ARL15: variants seen among roughly 807,000 people sequenced by gnomAD.
ARL15 encodes ARF like GTPase 15.
ARL15 carries 19 observed loss-of-function variants against 25.2 expected under a neutral mutation model. The observed-to-expected ratio is 0.75, with a 90% CI of 0.53 to 1.10. ARL15 has a LOEUF of 1.10. Ranked by LOEUF, ARL15 falls within the 50% of genes least tolerant of loss-of-function variation. The pLI, the probability that ARL15 is intolerant of heterozygous loss-of-function variation, is 0.00. For missense variants in ARL15, 220 were observed against 246.0 expected, an observed-to-expected ratio of 0.89 and a Z score of 0.71; for synonymous variants, 94 against 86.8, an observed-to-expected ratio of 1.08 and a Z score of -0.46.
chr5:53,905,435 A>C (rs903565184), intron 4 of ARL15, among the ~76,000 whole-genome samples: 1 of 152,172 alleles, frequency 6.6e-6, no homozygotes, highest in African/African-American at 2.4e-5. Context: ...AATATTAAAC[A>C]TAATGTTATT....
intron 4 of ARL15, among the ~76,000 whole-genome samples, chr5:54,092,135 G>A (rs889262839): frequency 6.6e-5 from 10 of 151,816 alleles, no homozygotes; most frequent in Admixed American, 6.6e-4. Context: ...GGAATGTTTA[G>A]GTTGAAAATA....
intron 4 of ARL15, among the ~76,000 whole-genome samples, chr5:54,066,338 C>T (rs1751230360): frequency 6.6e-6 from 1 of 152,124 alleles, no homozygotes; most frequent in South Asian, 2.1e-4. Flanking sequence ...ATAAGGAGGC[C>T]ATTTGCCATG....
At chr5:53,996,562 T>C (rs1748677443) in intron 4 of ARL15, among the ~76,000 whole-genome samples, 1 of 140,848 alleles carries the variant, frequency 7.1e-6, no homozygotes, top group East Asian at 2.1e-4. Context: ...GAGGTTGCAG[T>C]GCGCTGAGAT....
chr5:54,003,463 T>C (rs879491916), intron 4 of ARL15, among the ~76,000 whole-genome samples: 2 of 152,182 alleles, frequency 1.3e-5, no homozygotes, highest in Non-Finnish European at 2.9e-5. Context: ...TACATGCACA[T>C]TGAAGATCCA....
chr5:54,090,201 T>C (rs189000209), intron 4 of ARL15, among the ~76,000 whole-genome samples: 1 of 152,226 alleles, frequency 6.6e-6, no homozygotes, highest in African/African-American at 2.4e-5. Flanking sequence ...AATAAATCAA[T>C]TGTGATACAC....
Position 54,016,649 on chromosome 5 carries a change from G to T in ARL15, c.462+96553C>A, listed in dbSNP as rs554478903. ...ACACAGTAAAATTGTTTTTCCTCAG[G>T]CCTCCACTTATTGCTGTGTGCTGAG... On this transcript the variant is annotated intron_variant, in intron 4 of 4. Transcript: ENST00000504924. 4.6e-5 allele frequency among the ~76,000 whole-genome samples: 7 copies of T among 152,114 alleles called. No individual in the cohort carries two copies. The South Asian group carries it at 1.5e-3, about 32-fold the overall frequency.
chr5:53,950,801 A>G (rs1746920751), intron 4 of ARL15, among the ~76,000 whole-genome samples: 1 of 152,238 alleles, frequency 6.6e-6, no homozygotes, highest in Non-Finnish European at 1.5e-5. Context: ...TCTAAGCATT[A>G]TGAGTGCTCT....
intron 4 of ARL15, among the ~76,000 whole-genome samples, chr5:54,105,496 C>T (rs956987546): frequency 5.3e-5 from 8 of 152,094 alleles, no homozygotes; most frequent in Non-Finnish European, 1.0e-4. Flanking sequence ...AATATGCATA[C>T]AAAGTATTAA....
chr5:53,963,720 A>G (rs969159941), intron 4 of ARL15, among the ~76,000 whole-genome samples: 2 of 151,802 alleles, frequency 1.3e-5, no homozygotes, highest in African/African-American at 4.8e-5. Context: ...AGGCAGGAAA[A>G]TCCCTTGAAC....
chr5:53,957,524 T>A (rs182199233), intron 4 of ARL15, among the ~76,000 whole-genome samples: 1 of 151,750 alleles, frequency 6.6e-6, no homozygotes, highest in African/African-American at 2.4e-5. Context: ...AACAAAGACA[T>A]AAAGAATGCC....
At chr5:54,084,495 A>G (rs961405125) in intron 4 of ARL15, among the ~76,000 whole-genome samples, 7 of 151,820 alleles carry the variant, frequency 4.6e-5, no homozygotes, top group African/African-American at 1.7e-4. Context: ...AAAAAGCACA[A>G]CAGAAAGAAC....
chr5:54,242,353 T>A (rs1407378415), intron 1 of ARL15, among the ~76,000 whole-genome samples: 1 of 152,174 alleles, frequency 6.6e-6, no homozygotes, highest in Non-Finnish European at 1.5e-5. Context: ...CAACAGTGCC[T>A]TGATTGGTCC....
At chr5:53,897,403 C>T (rs995547759) in intron 4 of ARL15, among the ~76,000 whole-genome samples, 2 of 152,240 alleles carry the variant, frequency 1.3e-5, no homozygotes, top group African/African-American at 4.8e-5. Flanking sequence ...GTCATCCACA[C>T]TGTAGTATGT....
intron 4 of ARL15, among the ~76,000 whole-genome samples, chr5:54,057,599 C>T (rs1750919019): frequency 6.6e-6 from 1 of 152,194 alleles, no homozygotes; most frequent in Non-Finnish European, 1.5e-5. Flanking sequence ...CCTGTAATGT[C>T]AGCAGTTTGG....
At chr5:53,897,344 T>C (rs890398880) in intron 4 of ARL15, among the ~76,000 whole-genome samples, 3 of 152,234 alleles carry the variant, frequency 2.0e-5, no homozygotes, top group Non-Finnish European at 4.4e-5. Flanking sequence ...TCATGTAATA[T>C]GTGGTCTTTT....
intron 1 of ARL15, among the ~76,000 whole-genome samples, chr5:54,190,862 T>C (rs1755378433): frequency 6.6e-6 from 1 of 152,128 alleles, no homozygotes; most frequent in Admixed American, 6.6e-5. Flanking sequence ...TTGGGAAGAA[T>C]GTAAAATGAT....
chr5:54,027,081 A>G (rs1488244047), intron 4 of ARL15, among the ~76,000 whole-genome samples: 2 of 152,180 alleles, frequency 1.3e-5, no homozygotes, highest in African/African-American at 4.8e-5. Context: ...TTTCCTTACT[A>G]TTCATTTTAA....
At chr5:54,055,673 C>G (rs1208988903) in intron 4 of ARL15, among the ~76,000 whole-genome samples, 2 of 151,538 alleles carry the variant, frequency 1.3e-5, no homozygotes, top group Non-Finnish European at 2.9e-5. Context: ...TCATTCCTTT[C>G]TATTGCCAAA....
At chr5:54,127,399 C>G (rs1359283264) in intron 3 of ARL15, among the ~76,000 whole-genome samples, 233 of 151,842 alleles carry the variant, frequency 1.5e-3, no homozygotes, top group African/African-American at 4.1e-3. Flanking sequence ...GCCAAATCAT[C>G]AGTGAACTCC....
Sources: allele counts gnomAD v4.1 joint callset (sites outside exome capture counted in the v4.1 genomes callset), GRCh38; gene constraint gnomAD v4.1.1; transcripts MANE v1.5; gene names NCBI Gene and HGNC (gene_info 2026-07-23, HGNC 2026-07-21).